UGT1A10: variants seen among roughly 807,000 people sequenced by gnomAD.
UGT1A10 encodes UDP glucuronosyltransferase family 1 member A10, also known as UDP-glucuronosyltransferase 1A10.
A neutral mutation model predicts 45.8 loss-of-function variants in UGT1A10; 49 were observed. The observed-to-expected ratio is 1.07, with a 90% CI of 0.85 to 1.36. The LOEUF is 1.36. UGT1A10 is among the 40% of genes most tolerant of loss of function. UGT1A10 has a pLI of 0.00. For missense variants in UGT1A10, 745 were observed against 668.6 expected, an observed-to-expected ratio of 1.11 and a Z score of -1.26; for synonymous variants, 284 against 249.7, an observed-to-expected ratio of 1.14 and a Z score of -1.29.
chr2:233,729,225 G>A (rs376743890), intron 1 of UGT1A10: 6 of 1,614,040 alleles, frequency 3.7e-6, no homozygotes, highest in Admixed American at 1.7e-5. Context: ...AGGTGTTGGT[G>A]GTGCCCATTG....
intron 1 of UGT1A10, chr2:233,760,520 C>T (rs779218106): frequency 6.8e-6 from 11 of 1,614,230 alleles, no homozygotes; most frequent in South Asian, 5.5e-5. Context: ...ACCTTGAAGA[C>T]GTACCCTGTG....
At position 233,719,059 on chromosome 2, in the gene UGT1A10, A is replaced by G. The variant is rs747301276; in HGVS notation, c.856-47975A>G. The G allele has an allele frequency of 3.7e-6, 6 of 1,614,138 alleles. No individual in the cohort carries two copies. In the South Asian group the frequency reaches 4.4e-5, roughly 12 times the overall value. On this transcript the variant is annotated intron_variant, in intron 1 of 4. Transcript: ENST00000344644. Reference sequence around the variant, plus strand: ...GAGAAATTTTTCACCCTGACAGCCTATGCTGTTCCATGGACCCAGAAGGAA... The same window carrying G: ...GAGAAATTTTTCACCCTGACAGCCTGTGCTGTTCCATGGACCCAGAAGGAA...
At chr2:233,764,575 ACT>A (rs1417974721) in intron 1 of UGT1A10, among the ~76,000 whole-genome samples, 4 of 152,070 alleles carry the variant, frequency 2.6e-5, no homozygotes, top group African/African-American at 9.7e-5. Context: ...GAGAACTTAG[ACT>A]CGGCCTTTTC....
At chr2:233,718,944 C>A (rs553189135) in intron 1 of UGT1A10, 3 of 1,614,178 alleles carry the variant, frequency 1.9e-6, no homozygotes, top group East Asian at 2.2e-5. Context: ...CAGCCCCTGG[C>A]TCAGCATGCG....
chr2:233,675,743 T>C (rs1246714210), intron 1 of UGT1A10, among the ~76,000 whole-genome samples: 1 of 152,208 alleles, frequency 6.6e-6, no homozygotes, highest in Admixed American at 6.5e-5. Flanking sequence ...AATTCATCTA[T>C]CCCTTTATTC....
intron 1 of UGT1A10, among the ~76,000 whole-genome samples, chr2:233,661,623 T>TTTTCTTTCTTTCTTTA (rs1265546183): frequency 5.5e-4 from 68 of 124,046 alleles, no homozygotes; most frequent in African/African-American, 1.9e-3. Flanking sequence ...ACTTACTGAA[T>TTTTCTTTCTTTCTTTA]TTTCTTTCTT....
At chr2:233,663,542 A>T (rs2074015208) in intron 1 of UGT1A10, among the ~76,000 whole-genome samples, 1 of 152,094 alleles carries the variant, frequency 6.6e-6, no homozygotes, top group East Asian at 1.9e-4. Context: ...TGATCTTAGG[A>T]GTGGTTTAGG....
At chr2:233,692,744 G>A (rs1410250245) in intron 1 of UGT1A10, 4 of 1,060,368 alleles carry the variant, frequency 3.8e-6, no homozygotes, top group African/African-American at 1.6e-5. Flanking sequence ...AGAGGGAGAA[G>A]CAGACTTGTG....
chr2:233,712,850 AAGTAACT>A, intron 1 of UGT1A10: 5 of 1,537,004 alleles, frequency 3.3e-6, no homozygotes, highest in Admixed American at 3.8e-5. Flanking sequence ...AACGGGTAAT[AAGTAACT>A]GGAGGAGGGC....
chr2:233,707,208 A>G (rs2075948847), intron 1 of UGT1A10, among the ~76,000 whole-genome samples: 1 of 151,654 alleles, frequency 6.6e-6, no homozygotes, highest in Non-Finnish European at 1.5e-5. Context: ...TTCCCTTTCC[A>G]TCTTTTCTCT....
chr2:233,759,709 C>A (rs139134152), intron 1 of UGT1A10, among the ~76,000 whole-genome samples: 2 of 151,084 alleles, frequency 1.3e-5, no homozygotes, highest in East Asian at 3.9e-4. Flanking sequence ...GGCGCGTGCT[C>A]GTGTGGTGGG....
chr2:233,772,462 T>C lies in UGT1A10; in HGVS notation c.1496T>C (p.Val499Ala), dbSNP rs752117935. The C allele has an allele frequency of 6.2e-7, 1 of 1,614,170 alleles. No homozygotes were observed. Among genetic ancestry groups the C allele is most frequent in the South Asian group, 1.1e-5 (1 of 91,082 alleles). ...TTCCTCTTGGCCGTCGTGCTGACAG[T>C]GGCCTTCATCACCTTTAAATGTTGT... is the stretch of plus-strand genomic sequence containing the variant. ...IGFLLAVVLTVAFITFKCCAY... is the reference protein window; with the variant it reads ...IGFLLAVVLTAAFITFKCCAY... Residue 499 changes from valine to alanine, a missense_variant, in exon 5 of 5, where the codon GTG becomes GCG. Physicochemically the swap from Val to Ala is moderately conservative, Grantham distance 64. Transcript: ENST00000344644.
At chr2:233,681,861 T>A in intron 1 of UGT1A10, 1 of 1,529,146 alleles carries the variant, frequency 6.5e-7, no homozygotes. Context: ...GAGGGCAGGT[T>A]CTATCTGTAC....
intron 1 of UGT1A10, chr2:233,743,844 TGCGGTACGC>T: frequency 7.3e-7 from 1 of 1,367,272 alleles, no homozygotes; most frequent in Non-Finnish European, 9.8e-7. Context: ...AGCGCCAGCT[TGCGGTACGC>T]CTTCTTGATG....
intron 1 of UGT1A10, among the ~76,000 whole-genome samples, chr2:233,695,503 G>T (rs2075293003): frequency 6.6e-6 from 1 of 151,528 alleles, no homozygotes; most frequent in African/African-American, 2.4e-5. Context: ...AAAGTTTTTG[G>T]AGTATTACAA....
intron 1 of UGT1A10, among the ~76,000 whole-genome samples, chr2:233,745,269 G>A (rs528500230): frequency 2.6e-5 from 4 of 151,940 alleles, no homozygotes; most frequent in Admixed American, 2.6e-4. Context: ...CTTGCAGGCC[G>A]TGTGTATAGC....
chr2:233,769,741 GCCACTC>G lies in UGT1A10; in HGVS notation c.1295+1303_1295+1308del. The G allele has an allele frequency of 6.9e-7, 1 of 1,452,214 alleles. No individual in the cohort carries two copies. Among genetic ancestry groups the G allele is most frequent in the Non-Finnish European group, 9.1e-7 (1 of 1,101,348 alleles). 90.0% of individuals were successfully genotyped at this position (1,452,214 alleles called of 1,614,324 possible). On this transcript the variant is annotated intron_variant, in intron 4 of 4. Coordinates refer to ENST00000344644, the MANE Select transcript of UGT1A10 (RefSeq NM_019075.4). The surrounding 1 kb of genome is among the most constrained non-coding windows in gnomAD (Gnocchi z 4.4). ...ACCATGGCACACGCCTGTAGTCCCA[GCCACTC>G]TGGAGGCTAAGGCGGGAGGATTGCT... is the stretch of plus-strand genomic sequence containing the variant.
At chr2:233,765,145 T>A (rs1698762439) in intron 1 of UGT1A10, among the ~76,000 whole-genome samples, 1 of 152,138 alleles carries the variant, frequency 6.6e-6, no homozygotes, top group Admixed American at 6.5e-5. Context: ...ACATCACATG[T>A]CCTAGGGAAC....
chr2:233,689,672 G>T (rs1472377037), intron 1 of UGT1A10, among the ~76,000 whole-genome samples: 1 of 152,170 alleles, frequency 6.6e-6, no homozygotes, highest in Non-Finnish European at 1.5e-5. Flanking sequence ...CAAGAACAAA[G>T]AATGGCTGTC....
Sources: gnomAD v4.1 joint callset for allele counts (sites outside exome capture counted in the v4.1 genomes callset) on GRCh38, gnomAD v4.1.1 for gene constraint, Gnocchi (gnomAD v3.1) non-coding constraint, MANE v1.5 for transcripts, NCBI Gene and HGNC (gene_info 2026-07-23, HGNC 2026-07-21) for gene names.